Variants in KIRREL3 observed in about 807,000 individuals in gnomAD.
KIRREL3 encodes kin of IRRE-like protein 3.
KIRREL3 carries 36 observed loss-of-function variants against 89.7 expected under a neutral mutation model. That is an observed-to-expected ratio of 0.40 (90% CI 0.31 to 0.53). The LOEUF (loss-of-function observed/expected upper bound fraction) is 0.53. Ranked by LOEUF, KIRREL3 falls within the 20% of genes least tolerant of loss-of-function variation. The pLI is 0.49. For synonymous variants in KIRREL3, 445 were observed against 441.4 expected (o/e 1.01, Z -0.10); for missense variants, 864 against 1,056.6 (o/e 0.82, Z 2.53).
chr11:126,675,939 A>G (rs1403981022), intron 1 of KIRREL3, among the ~76,000 whole-genome samples: 1 of 152,176 alleles, frequency 6.6e-6, no homozygotes, highest in East Asian at 1.9e-4. Context: ...GAACGTGTTG[A>G]CTGAAAGATA....
chr11:126,850,014 G>C (rs1944290326), intron 1 of KIRREL3, among the ~76,000 whole-genome samples: 1 of 152,128 alleles, frequency 6.6e-6, no homozygotes, highest in Admixed American at 6.5e-5. Flanking sequence ...TCTGAAATAA[G>C]AGTTGAACCA....
Position 126,520,897 on chromosome 11 carries a change from A to G in KIRREL3, c.433+418T>C, listed in dbSNP as rs1277793492. On this transcript the variant is annotated intron_variant, in intron 4 of 16. Transcript: ENST00000525144. This position sits in a 1 kb window ranked among gnomAD's most constrained non-coding sequence, Gnocchi z 4.9. ...GGGCTGATTCTACAGAGAAGGTGGAAAGATAGGGCTTTGTTAGCACCGGAG... is the reference window on the plus strand; with the variant it reads ...GGGCTGATTCTACAGAGAAGGTGGAGAGATAGGGCTTTGTTAGCACCGGAG... Among the ~76,000 whole-genome samples the G allele has an allele frequency of 6.6e-6, 1 of 152,174 alleles. No homozygotes were observed. The highest frequency in any genetic ancestry group is 1.5e-5 in the Non-Finnish European group (1 of 68,024).
Position 126,844,857 on chromosome 11 carries a change from C to G in KIRREL3, c.55+155598G>C, listed in dbSNP as rs1298193860. ...AAGGGAAACTTGAGAGCCAACAGGT[C>G]TGCTGGAAGAGATCCTTTTGCTACC... is the stretch of plus-strand genomic sequence containing the variant. On this transcript the variant is annotated intron_variant, in intron 1 of 16. Transcript: ENST00000525144. This position sits in a 1 kb window ranked among gnomAD's most constrained non-coding sequence, Gnocchi z 4.8. 6.6e-6 allele frequency among the ~76,000 whole-genome samples: 1 copy of G among 152,150 alleles called. No homozygotes were observed. Among genetic ancestry groups the G allele is most frequent in the Non-Finnish European group, 1.5e-5 (1 of 68,030 alleles).
rs1358378805 is a variant in KIRREL3, at chr11:126,600,153, A to G, written c.56-37241T>C. 2.6e-5 allele frequency among the ~76,000 whole-genome samples: 4 copies of G among 152,180 alleles called. No homozygotes were observed. The East Asian group carries it at 7.7e-4, about 29-fold the overall frequency. ...TATTGGAGAGGCCCATGTGGCAAGA[A>G]CTTGAGTGTAGCCTGTAGCCAGTAT... On this transcript the variant is annotated intron_variant, in intron 1 of 16. Transcript: ENST00000525144.
chr11:126,858,119 A>T (rs913303915), intron 1 of KIRREL3, among the ~76,000 whole-genome samples: 8 of 152,214 alleles, frequency 5.3e-5, no homozygotes, highest in African/African-American at 1.9e-4. Context: ...CTGTGGGCTC[A>T]TGCTGGGAAG....
intron 1 of KIRREL3, among the ~76,000 whole-genome samples, chr11:126,910,567 A>C (rs1186411729): frequency 6.6e-6 from 1 of 152,192 alleles, no homozygotes; most frequent in Non-Finnish European, 1.5e-5. Context: ...AGGGATTTTC[A>C]TAAACTAACT....
In KIRREL3 at chr11:126,724,098, T is replaced by A. The variant is rs1948283000; in HGVS notation, c.56-161186A>T. Among the ~76,000 whole-genome samples the A allele has an allele frequency of 6.6e-6, 1 of 152,182 alleles. No homozygotes were observed. Among genetic ancestry groups the A allele is most frequent in the African/African-American group, 2.4e-5 (1 of 41,442 alleles). ...GGCTCTTTGTCAAAACCAAGTCTCCTTCTGGAGATAGAGATGCAGATCACC... is the reference window on the plus strand; with the variant it reads ...GGCTCTTTGTCAAAACCAAGTCTCCATCTGGAGATAGAGATGCAGATCACC... On this transcript the variant is annotated intron_variant, in intron 1 of 16. Transcript: ENST00000525144. This position sits in a 1 kb window ranked among gnomAD's most constrained non-coding sequence, Gnocchi z 4.3.
chr11:126,850,316 T>C (rs974494160), intron 1 of KIRREL3, among the ~76,000 whole-genome samples: 5 of 152,226 alleles, frequency 3.3e-5, no homozygotes, highest in Non-Finnish European at 2.9e-5. Flanking sequence ...TGACACTCTA[T>C]GCACACCACA....
chr11:126,437,530 C>T (rs1332216924), intron 11 of KIRREL3, among the ~76,000 whole-genome samples: 10 of 152,158 alleles, frequency 6.6e-5, no homozygotes, highest in Admixed American at 2.0e-4. Flanking sequence ...AACACATGCA[C>T]ACACCAAAGC....
At chr11:126,600,803 T>C (rs1393742297) in intron 1 of KIRREL3, among the ~76,000 whole-genome samples, 2 of 152,232 alleles carry the variant, frequency 1.3e-5, no homozygotes, top group Admixed American at 6.5e-5. Context: ...TTCACTTCCA[T>C]GTCTCATCTT....
chr11:126,844,384 C>T lies in KIRREL3; in HGVS notation c.55+156071G>A, dbSNP rs1944067030. Among the ~76,000 whole-genome samples, 1 of 152,180 alleles carries T rather than the reference C, an allele frequency of 6.6e-6. No individual in the cohort carries two copies. ...TTGGGTAAGCAGTGTGGTGTGGTAA[C>T]ATCTTTCTGGCAAACCATGGAAGGG... On this transcript the variant is annotated intron_variant, in intron 1 of 16. Transcript: ENST00000525144. This position sits in a 1 kb window ranked among gnomAD's most constrained non-coding sequence, Gnocchi z 4.8.
chr11:126,816,357 G>A (rs1210805392), intron 1 of KIRREL3, among the ~76,000 whole-genome samples: 3 of 152,172 alleles, frequency 2.0e-5, no homozygotes, highest in Non-Finnish European at 4.4e-5. Context: ...TTCTTTCCGA[G>A]TTTACGTTTC....
At chr11:126,798,377 CA>C (rs34115494) in intron 1 of KIRREL3, among the ~76,000 whole-genome samples, 152,362 of 152,362 alleles carry the variant, frequency 1, 76,181 homozygotes, top group Non-Finnish European at 1. Context: ...TTGTCCAGGG[CA>C]TTGAGTATCC....
chr11:126,436,836 A>C lies in KIRREL3; in HGVS notation c.1527T>G (p.Thr509=), dbSNP rs775091341. 2 of 1,613,578 alleles carry C rather than the reference A, an allele frequency of 1.2e-6. No individual in the cohort carries two copies. The highest frequency in any genetic ancestry group is 2.2e-5 in the South Asian group (2 of 91,058). Reference sequence around the variant, plus strand: ...CTTGCTCCTTGAGCCGGATGATCTCAGTGTCGGAGCCGAAGCTGTTCCAGG... The same window carrying C: ...CTTGCTCCTTGAGCCGGATGATCTCCGTGTCGGAGCCGAAGCTGTTCCAGG... The part of the protein sequence containing the change: ...CTAWNSFGSD[T]EIIRLKEQGS... The change falls in exon 12 of 17, where the codon ACT becomes ACG. Residue 509 remains threonine (T), a synonymous_variant. Coordinates refer to ENST00000525144, the MANE Select transcript of KIRREL3 (RefSeq NM_032531.4).
chr11:126,477,621 G>A lies in KIRREL3; in HGVS notation c.434-4155C>T, dbSNP rs914654958. ...TAACCTCTATACTCCCCTTTTTTTAGAGACAGTTTGCCAGGTTGGCCAGCC... is the reference window on the plus strand; with the variant it reads ...TAACCTCTATACTCCCCTTTTTTTAAAGACAGTTTGCCAGGTTGGCCAGCC... On this transcript the variant is annotated intron_variant, in intron 4 of 16. Coordinates refer to ENST00000525144, the MANE Select transcript of KIRREL3 (RefSeq NM_032531.4). This position sits in a 1 kb window ranked among gnomAD's most constrained non-coding sequence, Gnocchi z 4.8. 6.6e-6 allele frequency among the ~76,000 whole-genome samples: 1 copy of A among 152,062 alleles called. No homozygotes were observed. The highest frequency in any genetic ancestry group is 1.5e-5 in the Non-Finnish European group (1 of 67,992).
rs950833831 is a variant in KIRREL3, at chr11:126,876,815, G to A, written c.55+123640C>T. Among the ~76,000 whole-genome samples the A allele has an allele frequency of 6.6e-6, 1 of 152,150 alleles. No individual in the cohort carries two copies. The highest frequency in any genetic ancestry group is 6.5e-5 in the Admixed American group (1 of 15,278). On this transcript the variant is annotated intron_variant, in intron 1 of 16. Transcript: ENST00000525144. The surrounding 1 kb of genome is among the most constrained non-coding windows in gnomAD (Gnocchi z 4.1). Reference sequence around the variant, plus strand: ...CTCCCGAAGTGCTAGGATTACAGGCGTGAGCCACCGTGCCTGGCCATAAAT... The same window carrying A: ...CTCCCGAAGTGCTAGGATTACAGGCATGAGCCACCGTGCCTGGCCATAAAT...
chr11:126,532,412 G>T (rs1958970413), intron 2 of KIRREL3, among the ~76,000 whole-genome samples: 1 of 151,846 alleles, frequency 6.6e-6, no homozygotes, highest in African/African-American at 2.4e-5. Context: ...TCTTGCTCTT[G>T]TCGCCCAGGA....
In KIRREL3 at chr11:126,519,097, CCA is replaced by C. The variant is rs1958510248; in HGVS notation, c.433+2216_433+2217del. On this transcript the variant is annotated intron_variant, in intron 4 of 16. Coordinates refer to ENST00000525144, the MANE Select transcript of KIRREL3 (RefSeq NM_032531.4). The surrounding 1 kb of genome is among the most constrained non-coding windows in gnomAD (Gnocchi z 4.3). ...TCCTCTGCCCTCCTTCCGCTGATCT[CCA>C]GACTTGAATAAAACATCTCCCCCAT... Among the ~76,000 whole-genome samples the C allele has an allele frequency of 1.3e-5, 2 of 152,220 alleles. No homozygotes were observed. The highest frequency in any genetic ancestry group is 1.3e-4 in the Admixed American group (2 of 15,282).
rs1399063832 is a variant in KIRREL3, at chr11:126,891,133, A to G, written c.55+109322T>C. Reference sequence around the variant, plus strand: ...AATTCAGTACCTAGCTTCTGCATTTAATGGCACATGGGTTTGAAGTGTACA... The same window carrying G: ...AATTCAGTACCTAGCTTCTGCATTTGATGGCACATGGGTTTGAAGTGTACA... On this transcript the variant is annotated intron_variant, in intron 1 of 16. Transcript: ENST00000525144. The surrounding 1 kb of genome is among the most constrained non-coding windows in gnomAD (Gnocchi z 5.1). 2.6e-5 allele frequency among the ~76,000 whole-genome samples: 4 copies of G among 152,222 alleles called. No individual in the cohort carries two copies. Among genetic ancestry groups the G allele is most frequent in the Non-Finnish European group, 1.5e-5 (1 of 68,038 alleles).
Sources: allele counts gnomAD v4.1 joint callset (sites outside exome capture counted in the v4.1 genomes callset), GRCh38; gene constraint gnomAD v4.1.1; non-coding constraint Gnocchi (gnomAD v3.1); transcripts MANE v1.5; gene names NCBI Gene and HGNC (gene_info 2026-07-23, HGNC 2026-07-21).